Variants in TENM1 observed in about 807,000 individuals in gnomAD.
TENM1 encodes the protein teneurin transmembrane protein 1, also known as teneurin-1.
TENM1 carries 35 observed loss-of-function variants against 174.8 expected under a neutral mutation model. That is an observed-to-expected ratio of 0.20 (90% CI 0.15 to 0.27). TENM1 has a LOEUF of 0.27. TENM1 is among the 10% of genes least tolerant of loss of function. The pLI is 1.00. For missense variants in TENM1, 1,633 were observed against 2,130.1 expected (o/e 0.77, Z 4.59); for synonymous variants, 781 against 798.7 (o/e 0.98, Z 0.37).
chrX:124,491,574 G>A (rs1303957744), intron 20 of TENM1, among the ~76,000 whole-genome samples: 1 of 111,436 alleles, frequency 9.0e-6, no homozygotes, highest in African/African-American at 3.3e-5. Flanking sequence ...GCATACATAC[G>A]AATGAAATCT....
chrX:124,947,724 A>G (rs1404116746), intron 1 of TENM1, among the ~76,000 whole-genome samples: 1 of 111,823 alleles, frequency 8.9e-6, no homozygotes, highest in Non-Finnish European at 1.9e-5. Context: ...AAACTTGGGA[A>G]CTCACCAGAG....
At chrX:124,467,406 C>G (rs766321615) in intron 22 of TENM1, among the ~76,000 whole-genome samples, 57 of 111,670 alleles carry the variant, frequency 5.1e-4, no homozygotes, top group Non-Finnish European at 9.2e-4. Flanking sequence ...ACTCATTATA[C>G]GGAGGCTCTC....
intron 16 of TENM1, among the ~76,000 whole-genome samples, chrX:124,524,262 T>C (rs2047923346): frequency 1.8e-5 from 2 of 112,055 alleles, no homozygotes; most frequent in Non-Finnish European, 3.8e-5. Context: ...CTGCTCCCCT[T>C]ATGCTAAAGA....
intron 5 of TENM1, among the ~76,000 whole-genome samples, chrX:124,687,964 T>C (rs1052846604): frequency 4.5e-5 from 5 of 112,107 alleles, no homozygotes; most frequent in African/African-American, 1.3e-4. Flanking sequence ...ACAGGATTAG[T>C]AAATTCTCGA....
intron 22 of TENM1, 108 bp from the exon 26 acceptor site, chrX:124,453,599 T>A: frequency 1.3e-6 from 1 of 742,061 alleles, no homozygotes; most frequent in Non-Finnish European, 1.9e-6. Context: ...TAAAGACATA[T>A]AGATTCAATT....
intron 8 of TENM1, among the ~76,000 whole-genome samples, chrX:124,650,364 G>C (rs1371125296): frequency 9.0e-6 from 1 of 111,253 alleles, no homozygotes; most frequent in Admixed American, 9.6e-5. Context: ...GAAAAGTAAA[G>C]AGACTGACTT....
upstream of TENM1, among the ~76,000 whole-genome samples, chrX:124,967,539 T>G (rs1267262218): frequency 9.0e-6 from 1 of 111,468 alleles, no homozygotes; most frequent in Non-Finnish European, 1.9e-5. Context: ...CTATTTCAAC[T>G]GTAAAGTGGG....
intron 11 of TENM1, among the ~76,000 whole-genome samples, chrX:124,631,642 G>A (rs1389660338): frequency 9.0e-6 from 1 of 110,810 alleles, no homozygotes; most frequent in African/African-American, 3.3e-5. Flanking sequence ...GCTCGTGCCT[G>A]TAATCCCAGC....
At chrX:124,431,946 A>G (rs1371508366) in intron 23 of TENM1, among the ~76,000 whole-genome samples, 1 of 112,184 alleles carries the variant, frequency 8.9e-6, no homozygotes, top group Non-Finnish European at 1.9e-5. Flanking sequence ...TTGCAAATGA[A>G]TAGCTAGGAT....
intron 23 of TENM1, among the ~76,000 whole-genome samples, chrX:124,447,518 G>A (rs991769708): frequency 1.8e-5 from 2 of 111,670 alleles, no homozygotes; most frequent in Non-Finnish European, 3.8e-5. Context: ...TTCCTACTCT[G>A]CCGCTGGTAT....
chrX:125,118,764 GCTGAAAAGATA>G, the TENM1 span, among the ~76,000 whole-genome samples: 12 of 112,133 alleles, frequency 1.1e-4, no homozygotes, highest in African/African-American at 3.2e-4. Flanking sequence ...AATACTATGT[GCTGAAAAGATA>G]CTGAAACAAA....
chrX:124,480,812 C>A (rs1603283727), intron 22 of TENM1, among the ~76,000 whole-genome samples: 3 of 111,588 alleles, frequency 2.7e-5, no homozygotes, highest in Non-Finnish European at 3.8e-5. Flanking sequence ...TGTATGCATG[C>A]ATGCAGATAC....
At chrX:125,178,199 T>A in the TENM1 span, among the ~76,000 whole-genome samples, 1 of 111,476 alleles carries the variant, frequency 9.0e-6, no homozygotes, top group African/African-American at 3.3e-5. Context: ...TCTTATCATA[T>A]TTTTGCTCCC....
intron 2 of TENM1, among the ~76,000 whole-genome samples, chrX:124,894,993 T>C (rs894503107): frequency 3.6e-5 from 4 of 111,966 alleles, no homozygotes; most frequent in East Asian, 5.6e-4. Flanking sequence ...CCAAGGATAC[T>C]TGGTGATATT....
chrX:124,755,007 C>T (rs748228114), intron 3 of TENM1, among the ~76,000 whole-genome samples: 1 of 101,348 alleles, frequency 9.9e-6, no homozygotes, highest in Admixed American at 1.0e-4. Flanking sequence ...ATTAGGTCCG[C>T]TTGGTGCAGA....
At chrX:124,504,818 A>G (rs2047410332) in intron 18 of TENM1, among the ~76,000 whole-genome samples, 1 of 112,220 alleles carries the variant, frequency 8.9e-6, no homozygotes, top group East Asian at 2.8e-4. Flanking sequence ...AAGTGAAAAA[A>G]TAAAGCCAAC....
Position 124,807,878 on chromosome X carries a change from TACACACAC to T in TENM1, c.536-70689_536-70682del, listed in dbSNP as rs151254866. ...AAATATATCACTAGAGAAAATCACT[TACACACAC>T]ACACACACACACACACACACACACA... On this transcript the variant is annotated intron_variant, in intron 3 of 31. Coordinates refer to ENST00000422452, the Ensembl canonical transcript of TENM1. Among the ~76,000 whole-genome samples the T allele has an allele frequency of 4.1e-3, 347 of 85,160 alleles. 1 individual carries two copies. The highest frequency in any genetic ancestry group is 4.5e-3 in the Non-Finnish European group (192 of 42,820). The allele number at this position is 85,160 out of a possible 115,157, so 74.0% of individuals were successfully genotyped here. A position where few individuals can be genotyped will look rare whatever the true frequency, so the allele number is the denominator to read the frequency against.
chrX:125,089,588 A>G, the TENM1 span, among the ~76,000 whole-genome samples: 1 of 112,069 alleles, frequency 8.9e-6, no homozygotes, highest in Admixed American at 9.5e-5. Flanking sequence ...AAAGGCTCAT[A>G]TAATTTAAAC....
In TENM1 at chrX:124,392,302, C is replaced by A; in HGVS notation, c.5438G>T (p.Arg1813Leu). ...ATGGTCATCATAGATCTTTCCTGTGCGGGTTATATGATCAAAATCTATGGA... is the reference window on the plus strand; with the variant it reads ...ATGGTCATCATAGATCTTTCCTGTGAGGGTTATATGATCAAAATCTATGGA... The change falls in exon 28 of 32, where the codon CGC (arginine) becomes CTC (leucine). Residue 1813 changes from arginine (R) to leucine (L), a missense_variant. By Grantham distance (102) the Arg-to-Leu change is moderately radical. Transcript: ENST00000422452. 1 of 1,208,441 alleles carries A rather than the reference C, an allele frequency of 8.3e-7. No individual in the cohort carries two copies. The highest frequency in any genetic ancestry group is 1.8e-5 in the South Asian group (1 of 56,719).
Sources: gnomAD v4.1 joint callset for allele counts (sites outside exome capture counted in the v4.1 genomes callset) on GRCh38, gnomAD v4.1.1 for gene constraint, MANE v1.5 for transcripts, NCBI Gene and HGNC (gene_info 2026-07-23, HGNC 2026-07-21) for gene names.